Variants in ATRNL1 observed in about 807,000 individuals in gnomAD.
ATRNL1 encodes attractin like 1, also known as attractin-like protein 1.
Under a neutral mutation model 182.7 loss-of-function variants are expected in ATRNL1, and 95 were observed. The ratio of observed to expected loss-of-function variants is 0.52; its 90% CI spans 0.44 to 0.62. The LOEUF (loss-of-function observed/expected upper bound fraction) is 0.62. Among genes scored for constraint, ATRNL1 ranks in the 20% least tolerant of loss-of-function variants. The probability of loss-of-function intolerance (pLI) is 0.00; values close to 1 mark genes in which losing one functional copy is unlikely to be tolerated. For synonymous variants in ATRNL1, 576 were observed against 568.3 expected (o/e 1.01, Z -0.19); for missense variants, 1,471 against 1,679.5 (o/e 0.88, Z 2.17).
At chr10:115,242,059 A>G (rs1296329712) in intron 10 of ATRNL1, among the ~76,000 whole-genome samples, 1 of 151,996 alleles carries the variant, frequency 6.6e-6, no homozygotes, top group South Asian at 2.1e-4. Flanking sequence ...GTAGATATGG[A>G]ATACTGTTGA....
chr10:115,925,105 G>A (rs1291906865), intron 28 of ATRNL1, among the ~76,000 whole-genome samples: 2 of 152,130 alleles, frequency 1.3e-5, no homozygotes, highest in Non-Finnish European at 2.9e-5. Flanking sequence ...TTTGTATGCT[G>A]AGACTTTGCT....
At chr10:115,216,306 C>T (rs925559444) in intron 9 of ATRNL1, among the ~76,000 whole-genome samples, 1 of 152,116 alleles carries the variant, frequency 6.6e-6, no homozygotes, top group Non-Finnish European at 1.5e-5. Flanking sequence ...GTATTTATAT[C>T]CTCAACTTTA....
intron 9 of ATRNL1, among the ~76,000 whole-genome samples, chr10:115,226,193 A>C (rs1342074533): frequency 1.3e-5 from 2 of 151,984 alleles, no homozygotes; most frequent in Non-Finnish European, 2.9e-5. Flanking sequence ...TTCTGGGCCA[A>C]TTGGGTGTAC....
chr10:115,507,677 C>T (rs147595740), intron 24 of ATRNL1, among the ~76,000 whole-genome samples: 81 of 152,032 alleles, frequency 5.3e-4, no homozygotes, highest in East Asian at 1.2e-3. Flanking sequence ...AGTTAATGTA[C>T]GAAAAGTAAT....
At chr10:115,638,610 A>G (rs1859041697) in intron 26 of ATRNL1, among the ~76,000 whole-genome samples, 1 of 152,188 alleles carries the variant, frequency 6.6e-6, no homozygotes, top group East Asian at 1.9e-4. Context: ...CCAAAACATT[A>G]TGGAATTAGA....
chr10:115,787,404 C>G (rs939648597), intron 27 of ATRNL1, among the ~76,000 whole-genome samples: 1 of 152,076 alleles, frequency 6.6e-6, no homozygotes, highest in Non-Finnish European at 1.5e-5. Flanking sequence ...TCCAGGAATA[C>G]TATTCTTTAC....
chr10:115,103,335 G>C (rs1843860379), intron 1 of ATRNL1, among the ~76,000 whole-genome samples: 1 of 151,944 alleles, frequency 6.6e-6, no homozygotes, highest in Non-Finnish European at 1.5e-5. Flanking sequence ...CACTGCGCCT[G>C]GTCATATTTT....
In ATRNL1 at chr10:115,849,493, C is replaced by A. The variant is rs562151560; in HGVS notation, c.4018+1502C>A. On this transcript the variant is annotated intron_variant, in intron 28 of 28. Transcript: ENST00000355044. Reference sequence around the variant, plus strand: ...AACTGCCAATTCTCTGTCCCTTTAACCTTTGAAGTCCTTTTTGACTGATAT... The same window carrying A: ...AACTGCCAATTCTCTGTCCCTTTAAACTTTGAAGTCCTTTTTGACTGATAT... Among the ~76,000 whole-genome samples, 109 of 152,258 alleles carry A rather than the reference C, an allele frequency of 7.2e-4. 1 individual carries two copies. The highest frequency in any genetic ancestry group is 2.6e-3 in the African/African-American group (108 of 41,546).
At chr10:115,829,460 G>T (rs747389118) in intron 27 of ATRNL1, among the ~76,000 whole-genome samples, 5 of 150,656 alleles carry the variant, frequency 3.3e-5, no homozygotes, top group Non-Finnish European at 4.4e-5. Flanking sequence ...TTTCCACTTT[G>T]CAGTCTCTTC....
At chr10:115,224,786 G>A (rs1849627691) in intron 9 of ATRNL1, among the ~76,000 whole-genome samples, 1 of 152,080 alleles carries the variant, frequency 6.6e-6, no homozygotes, top group Non-Finnish European at 1.5e-5. Context: ...ACACATACAT[G>A]AACATTGAAA....
intron 27 of ATRNL1, among the ~76,000 whole-genome samples, chr10:115,757,003 T>C (rs1555072229): frequency 6.6e-6 from 1 of 152,164 alleles, no homozygotes; most frequent in Admixed American, 6.5e-5. Context: ...TTGTTTTGCA[T>C]TTGCTTAGTA....
intron 19 of ATRNL1, among the ~76,000 whole-genome samples, chr10:115,372,136 A>C (rs1190662890): frequency 6.6e-6 from 1 of 152,162 alleles, no homozygotes; most frequent in Non-Finnish European, 1.5e-5. Context: ...AATTGCTCCC[A>C]GTCTTGAGTA....
At chr10:115,893,884 A>C (rs1012023215) in intron 28 of ATRNL1, among the ~76,000 whole-genome samples, 1 of 152,202 alleles carries the variant, frequency 6.6e-6, no homozygotes, top group South Asian at 2.1e-4. Flanking sequence ...GTTTCATGCC[A>C]GGGTCAGTAG....
chr10:115,328,824 T>C (rs998437904), intron 18 of ATRNL1, among the ~76,000 whole-genome samples: 1 of 152,106 alleles, frequency 6.6e-6, no homozygotes, highest in Admixed American at 6.6e-5. Context: ...TGTATGTGTA[T>C]TTATTTGTTT....
intron 27 of ATRNL1, among the ~76,000 whole-genome samples, chr10:115,813,368 C>A (rs1024906759): frequency 2.0e-5 from 3 of 151,768 alleles, no homozygotes; most frequent in Admixed American, 2.0e-4. Context: ...AGATTAATAC[C>A]CCAAAGAGGG....
intron 26 of ATRNL1, among the ~76,000 whole-genome samples, chr10:115,633,659 C>A (rs1592981518): frequency 2.0e-5 from 3 of 152,036 alleles, no homozygotes; most frequent in Admixed American, 2.0e-4. Context: ...ATTATTGACT[C>A]CCAAACCATC....
Position 115,334,306 on chromosome 10 carries a change from C to A in ATRNL1, c.3062C>A (p.Thr1021Asn). The change falls in exon 19 of 29, where the codon ACT becomes AAT. Residue 1021 changes from threonine to asparagine, a missense_variant. Physicochemically the swap from Thr to Asn is moderately conservative, Grantham distance 65 (BLOSUM62 0). Coordinates refer to ENST00000355044, the MANE Select transcript of ATRNL1 (RefSeq NM_207303.4). ...GCTTGCCAGTGTAATGGACATAGCA[C>A]TTGCATCAATAATAATGTGTGCGAA... ...CPACQCNGHS[T>N]CINNNVCEQC... 6.3e-7 allele frequency: 1 copy of A among 1,577,550 alleles called. No individual in the cohort carries two copies. Among genetic ancestry groups the A allele is most frequent in the Non-Finnish European group, 8.6e-7 (1 of 1,156,374 alleles).
At chr10:115,553,375 T>G (rs1554996093) in intron 26 of ATRNL1, among the ~76,000 whole-genome samples, 1 of 151,422 alleles carries the variant, frequency 6.6e-6, no homozygotes, top group Non-Finnish European at 1.5e-5. Context: ...ACATTTCATG[T>G]GATAGCAATT....
chr10:115,321,282 C>G (rs887126937), intron 18 of ATRNL1, among the ~76,000 whole-genome samples: 1 of 152,104 alleles, frequency 6.6e-6, no homozygotes, highest in African/African-American at 2.4e-5. Flanking sequence ...CTTCTGGGAT[C>G]TCTGACCTTG....
Sources: gnomAD v4.1 joint callset for allele counts (sites outside exome capture counted in the v4.1 genomes callset) on GRCh38, gnomAD v4.1.1 for gene constraint, MANE v1.5 for transcripts, NCBI Gene and HGNC (gene_info 2026-07-23, HGNC 2026-07-21) for gene names.